MINDY3: variants seen among roughly 807,000 people sequenced by gnomAD.
The protein encoded by MINDY3 is ubiquitin carboxyl-terminal hydrolase MINDY-3.
In MINDY3, 38 loss-of-function variants were observed where a neutral mutation model predicts 69.2. That is an observed-to-expected ratio of 0.55 (90% CI 0.42 to 0.72). MINDY3 has a LOEUF of 0.72. MINDY3 is among the 30% of genes least tolerant of loss of function. The pLI, the probability that MINDY3 is intolerant of heterozygous loss-of-function variation, is 0.00. For synonymous variants in MINDY3, 192 were observed against 180.1 expected (o/e 1.07, Z -0.53); for missense variants, 522 against 519.0 (o/e 1.01, Z -0.06).
chr10:15,806,686 A>T (rs539177926), intron 10 of MINDY3, among the ~76,000 whole-genome samples: 1 of 152,180 alleles, frequency 6.6e-6, no homozygotes, highest in Non-Finnish European at 1.5e-5. Context: ...AAATGTGATT[A>T]TTCAAGCTGG....
At chr10:15,858,429 G>A (rs901826827) in intron 1 of MINDY3, among the ~76,000 whole-genome samples, 1 of 152,178 alleles carries the variant, frequency 6.6e-6, no homozygotes, top group Non-Finnish European at 1.5e-5. Context: ...AAGCCAAAGA[G>A]TGAATTTGGC....
intron 8 of MINDY3, among the ~76,000 whole-genome samples, chr10:15,830,363 C>T (rs1014951516): frequency 6.6e-6 from 1 of 152,156 alleles, no homozygotes; most frequent in African/African-American, 2.4e-5. Flanking sequence ...TCTAACTATC[C>T]TGTGATAATC....
intron 3 of MINDY3, 36 bp from the exon 4 acceptor site, chr10:15,841,635 C>A: frequency 6.9e-7 from 1 of 1,441,610 alleles, no homozygotes; most frequent in Non-Finnish European, 9.3e-7. Context: ...TAATGGTTTC[C>A]TCTGGAAAAA....
chr10:15,831,673 C>CT (rs10716234), intron 8 of MINDY3, among the ~76,000 whole-genome samples: 4,655 of 121,298 alleles, frequency 0.038, 193 homozygotes, highest in African/African-American at 0.11. Context: ...GCCTCCTTTT[C>CT]TTTTTTTTTT....
intron 5 of MINDY3, 74 bp downstream of exon 5, chr10:15,838,154 T>G (rs541504134): frequency 2.1e-6 from 3 of 1,443,244 alleles, no homozygotes; most frequent in Admixed American, 5.2e-5. Context: ...TAAGAACCTT[T>G]CCACAGTATG....
At chr10:15,782,030 T>C in intron 14 of MINDY3, 125 bp downstream of exon 14, 2 of 736,432 alleles carry the variant, frequency 2.7e-6, no homozygotes, top group South Asian at 3.2e-5. Context: ...AAATGTGTCC[T>C]CATAGTAAAG....
intron 11 of MINDY3, among the ~76,000 whole-genome samples, chr10:15,789,557 A>C (rs1392314811): frequency 2.6e-5 from 4 of 152,150 alleles, no homozygotes; most frequent in Non-Finnish European, 5.9e-5. Flanking sequence ...ACTCCGACGA[A>C]AGCTTAAAGT....
At position 15,842,499 on chromosome 10, in the gene MINDY3, A is replaced by G. The variant is rs117125833; in HGVS notation, c.235+713T>C. ...CTAAAATTTGTTTTGTATTTCACCT[A>G]TTAATTTAAAACTTATGGAAGTGAT... On this transcript the variant is annotated intron_variant, in intron 3 of 14. Transcript: ENST00000277632. Among the ~76,000 whole-genome samples, 1,150 of 151,978 alleles carry G rather than the reference A, an allele frequency of 7.6e-3. 10 individuals carry two copies. The highest frequency in any genetic ancestry group is 0.012 in the Non-Finnish European group (805 of 67,774).
chr10:15,826,778 C>T (rs1273681610), intron 8 of MINDY3, among the ~76,000 whole-genome samples: 1 of 152,056 alleles, frequency 6.6e-6, no homozygotes, highest in Non-Finnish European at 1.5e-5. Flanking sequence ...CAACAAAAAA[C>T]GTATTTCCTA....
At chr10:15,833,270 C>T (rs1047308012) in intron 8 of MINDY3, among the ~76,000 whole-genome samples, 1 of 152,202 alleles carries the variant, frequency 6.6e-6, no homozygotes, top group Non-Finnish European at 1.5e-5. Flanking sequence ...AAGTATTTCA[C>T]ACCACCAGGC....
chr10:15,854,790 T>C (rs1476783099), intron 1 of MINDY3, among the ~76,000 whole-genome samples: 3 of 151,946 alleles, frequency 2.0e-5, no homozygotes, highest in Non-Finnish European at 2.9e-5. Flanking sequence ...AGATCAAAAA[T>C]AGGACAAATG....
intron 8 of MINDY3, among the ~76,000 whole-genome samples, chr10:15,822,612 G>A (rs1308028339): frequency 1.3e-5 from 2 of 152,170 alleles, no homozygotes; most frequent in African/African-American, 4.8e-5. Flanking sequence ...GTAAGTTCTG[G>A]ACTCGTGTGA....
intron 9 of MINDY3, among the ~76,000 whole-genome samples, chr10:15,819,073 A>G (rs1481098952): frequency 2.0e-5 from 3 of 152,170 alleles, no homozygotes; most frequent in African/African-American, 7.2e-5. Context: ...GTGTGTGTTG[A>G]GAGGGAGAGT....
At chr10:15,846,927 G>C (rs1001718835) in intron 2 of MINDY3, among the ~76,000 whole-genome samples, 1 of 152,030 alleles carries the variant, frequency 6.6e-6, no homozygotes, top group Non-Finnish European at 1.5e-5. Context: ...GTTTCACCAT[G>C]TTAGCCAGGA....
At chr10:15,786,474 A>G (rs1261705940) in intron 13 of MINDY3, 87 bp downstream of exon 13, 2 of 840,578 alleles carry the variant, frequency 2.4e-6, no homozygotes, top group East Asian at 2.5e-5. Flanking sequence ...GCATTAGGAC[A>G]TTGTACAGAA....
chr10:15,817,838 C>T (rs1235819276), intron 9 of MINDY3: 1 of 152,136 alleles, frequency 6.6e-6, no homozygotes, highest in East Asian at 1.9e-4. Flanking sequence ...CCACCCTGGC[C>T]CTGTGGAATT....
intron 8 of MINDY3, among the ~76,000 whole-genome samples, chr10:15,822,589 A>C (rs1020039236): frequency 2.6e-5 from 4 of 152,222 alleles, no homozygotes; most frequent in Admixed American, 6.5e-5. Flanking sequence ...TGATTAACAC[A>C]AAGAATTAAG....
At chr10:15,825,410 T>C (rs1840021509) in intron 8 of MINDY3, among the ~76,000 whole-genome samples, 1 of 152,258 alleles carries the variant, frequency 6.6e-6, no homozygotes, top group African/African-American at 2.4e-5. Context: ...GTGTCTTGCC[T>C]TCTTGCCCAG....
At chr10:15,814,508 C>T (rs961966780) in intron 10 of MINDY3, among the ~76,000 whole-genome samples, 3 of 151,546 alleles carry the variant, frequency 2.0e-5, no homozygotes, top group African/African-American at 7.3e-5. Context: ...TGAGACTACA[C>T]AGGTAAGTCT....
Sources: allele counts gnomAD v4.1 joint callset (sites outside exome capture counted in the v4.1 genomes callset), GRCh38; gene constraint gnomAD v4.1.1; transcripts MANE v1.5; gene names NCBI Gene and HGNC (gene_info 2026-07-23, HGNC 2026-07-21).